Variants in RSPO2 observed in about 807,000 individuals in gnomAD.
The protein encoded by RSPO2 is R-spondin-2.
Under a neutral mutation model 30.9 loss-of-function variants are expected in RSPO2, and 14 were observed. The observed-to-expected ratio is 0.45, with a 90% CI of 0.30 to 0.71. RSPO2 has a LOEUF of 0.71. Among genes scored for constraint, RSPO2 ranks in the 30% least tolerant of loss-of-function variants. The probability of loss-of-function intolerance (pLI) is 0.08; values close to 1 mark genes in which losing one functional copy is unlikely to be tolerated. For synonymous variants in RSPO2, 107 were observed against 96.4 expected (o/e 1.11, Z -0.64); for missense variants, 264 against 301.9 (o/e 0.87, Z 0.93).
At chr8:107,985,393 A>C (rs1814587725) in intron 3 of RSPO2, among the ~76,000 whole-genome samples, 1 of 152,098 alleles carries the variant, frequency 6.6e-6, no homozygotes, top group Non-Finnish European at 1.5e-5. Flanking sequence ...ATCATGAAAA[A>C]CTAAAAGTGA....
intron 3 of RSPO2, chr8:107,983,540 T>C (rs57044300): frequency 0.11 from 177,787 of 1,598,076 alleles, 11,403 homozygotes; most frequent in East Asian, 0.24. Flanking sequence ...GACACACTAC[T>C]ATATTTACTT....
At chr8:107,984,900 CAT>C (rs1814572741) in intron 3 of RSPO2, among the ~76,000 whole-genome samples, 1 of 152,120 alleles carries the variant, frequency 6.6e-6, no homozygotes, top group African/African-American at 2.4e-5. Context: ...TCTTTCTTGA[CAT>C]CAGTGGGAGT....
chr8:107,904,883 T>C (rs1811588847), intron 5 of RSPO2, among the ~76,000 whole-genome samples: 1 of 152,034 alleles, frequency 6.6e-6, no homozygotes, highest in South Asian at 2.1e-4. Flanking sequence ...AAAGCCACAT[T>C]CTAACTAATG....
At chr8:108,064,543 G>T (rs1277244544) in intron 2 of RSPO2, among the ~76,000 whole-genome samples, 1 of 152,160 alleles carries the variant, frequency 6.6e-6, no homozygotes, top group East Asian at 1.9e-4. Flanking sequence ...GAGAGGATGT[G>T]GAGAAATAGG....
At chr8:107,987,968 G>T (rs572862801) in intron 3 of RSPO2, among the ~76,000 whole-genome samples, 22 of 151,992 alleles carry the variant, frequency 1.4e-4, no homozygotes, top group Non-Finnish European at 2.9e-4. Context: ...ATTAAATTAT[G>T]AATAACCTGC....
intron 5 of RSPO2, among the ~76,000 whole-genome samples, chr8:107,912,526 T>C (rs1331974236): frequency 6.6e-6 from 1 of 152,190 alleles, no homozygotes; most frequent in Admixed American, 6.6e-5. Context: ...AGGTCACTTG[T>C]GCTATAGCAG....
intron 2 of RSPO2, among the ~76,000 whole-genome samples, chr8:107,989,851 A>T (rs1814786592): frequency 6.6e-6 from 1 of 152,228 alleles, no homozygotes; most frequent in Non-Finnish European, 1.5e-5. Flanking sequence ...ATAAATAAAT[A>T]TAGAATTACT....
At chr8:108,024,673 G>C (rs552819201) in intron 2 of RSPO2, among the ~76,000 whole-genome samples, 1 of 152,260 alleles carries the variant, frequency 6.6e-6, no homozygotes, top group Admixed American at 6.5e-5. Flanking sequence ...TCTTTCTATT[G>C]TTCTGATCTT....
chr8:108,080,090 G>C (rs753883517), intron 2 of RSPO2, among the ~76,000 whole-genome samples: 17 of 152,058 alleles, frequency 1.1e-4, no homozygotes, highest in South Asian at 4.1e-4. Flanking sequence ...TTGTGAAGAG[G>C]GACAATTCAC....
chr8:107,941,538 C>G (rs544196653), intron 5 of RSPO2, among the ~76,000 whole-genome samples: 1 of 152,016 alleles, frequency 6.6e-6, no homozygotes, highest in Non-Finnish European at 1.5e-5. Flanking sequence ...TAAGATAGCC[C>G]CCGGCTAGAT....
At chr8:107,906,242 A>G (rs1158560653) in intron 5 of RSPO2, among the ~76,000 whole-genome samples, 1 of 151,964 alleles carries the variant, frequency 6.6e-6, no homozygotes, top group Non-Finnish European at 1.5e-5. Flanking sequence ...TTAATACTGA[A>G]AAAATTGTAA....
chr8:107,944,608 G>T (rs1322743534), intron 5 of RSPO2, among the ~76,000 whole-genome samples: 1 of 152,134 alleles, frequency 6.6e-6, no homozygotes, highest in Non-Finnish European at 1.5e-5. Flanking sequence ...AATTCTCAGG[G>T]ATTATTATGG....
At chr8:108,075,245 C>A (rs962711783) in intron 2 of RSPO2, among the ~76,000 whole-genome samples, 3 of 152,190 alleles carry the variant, frequency 2.0e-5, no homozygotes, top group African/African-American at 7.2e-5. Context: ...TTTTGGGAGG[C>A]CAAGGCGGGA....
intron 2 of RSPO2, among the ~76,000 whole-genome samples, chr8:108,012,082 C>T (rs756601785): frequency 1.8e-4 from 27 of 152,160 alleles, no homozygotes; most frequent in Non-Finnish European, 3.2e-4. Flanking sequence ...ACGAATTCAA[C>T]ATCCAAATAA....
intron 5 of RSPO2, among the ~76,000 whole-genome samples, chr8:107,902,572 A>G (rs1811512234): frequency 6.6e-6 from 1 of 152,142 alleles, no homozygotes; most frequent in African/African-American, 2.4e-5. Flanking sequence ...TTAGGAAACC[A>G]GAGTCATACA....
intron 2 of RSPO2, among the ~76,000 whole-genome samples, chr8:108,072,114 G>A (rs1305069920): frequency 6.6e-6 from 1 of 152,058 alleles, no homozygotes; most frequent in African/African-American, 2.4e-5. Context: ...AAACTTCATG[G>A]GGATTGCAGA....
At chr8:107,996,287 T>A (rs1815022201) in intron 2 of RSPO2, among the ~76,000 whole-genome samples, 1 of 152,166 alleles carries the variant, frequency 6.6e-6, no homozygotes, top group Non-Finnish European at 1.5e-5. Context: ...CCCTATGGAA[T>A]GATATTTAGA....
Position 107,989,259 on chromosome 8 carries a change from C to T in RSPO2, c.95-15G>A, listed in dbSNP as rs556524975. ...TACATAACTAGCTGTAAAAGAAAAACAAAAATTGTGTTTAATTATCAGTAT... is the reference window on the plus strand; with the variant it reads ...TACATAACTAGCTGTAAAAGAAAAATAAAAATTGTGTTTAATTATCAGTAT... On this transcript the variant is annotated splice_polypyrimidine_tract_variant and intron_variant, in intron 2 of 5. Transcript: ENST00000276659. 2.0e-6 allele frequency: 3 copies of T among 1,527,924 alleles called. No individual in the cohort carries two copies. Among genetic ancestry groups the T allele is most frequent in the Admixed American group, 4.7e-5 (2 of 42,582 alleles). The allele number at this position is 1,527,924 out of a possible 1,614,324, so 94.6% of individuals were successfully genotyped here.
chr8:108,068,649 C>T (rs1312388724), intron 2 of RSPO2, among the ~76,000 whole-genome samples: 1 of 152,136 alleles, frequency 6.6e-6, no homozygotes, highest in Non-Finnish European at 1.5e-5. Context: ...ATCAAGTTAA[C>T]ATTAGGTTAT....
Sources: gnomAD v4.1 joint callset for allele counts (sites outside exome capture counted in the v4.1 genomes callset) on GRCh38, gnomAD v4.1.1 for gene constraint, MANE v1.5 for transcripts, NCBI Gene and HGNC (gene_info 2026-07-23, HGNC 2026-07-21) for gene names.